SAMD4A: variants seen among roughly 807,000 people sequenced by gnomAD.
The protein encoded by SAMD4A is sterile alpha motif domain containing 4A.
A neutral mutation model predicts 81.3 loss-of-function variants in SAMD4A; 33 were observed. That is an observed-to-expected ratio of 0.41 (90% confidence interval 0.31 to 0.54). The LOEUF (loss-of-function observed/expected upper bound fraction) is 0.54. SAMD4A is among the 20% of genes least tolerant of loss of function. The pLI is 0.37. For missense variants in SAMD4A, 854 were observed against 951.1 expected, an observed-to-expected ratio of 0.90 and a Z score of 1.34; for synonymous variants, 389 against 382.1, an observed-to-expected ratio of 1.02 and a Z score of -0.21.
intron 3 of SAMD4A, among the ~76,000 whole-genome samples, chr14:54,723,585 C>G (rs1333645299): frequency 6.6e-6 from 1 of 152,126 alleles, no homozygotes; most frequent in African/African-American, 2.4e-5. Flanking sequence ...TTGAAATGAC[C>G]TAAAATTTTT....
At chr14:54,636,132 A>G (rs1005666116) in intron 2 of SAMD4A, among the ~76,000 whole-genome samples, 1 of 152,184 alleles carries the variant, frequency 6.6e-6, no homozygotes, top group Non-Finnish European at 1.5e-5. Flanking sequence ...TTGTGATTTT[A>G]TATAGTGTGG....
chr14:54,729,931 A>G (rs2037518881), intron 3 of SAMD4A, among the ~76,000 whole-genome samples: 1 of 152,220 alleles, frequency 6.6e-6, no homozygotes, highest in South Asian at 2.1e-4. Context: ...ATAAATAATG[A>G]CAATGTAAAG....
intron 2 of SAMD4A, among the ~76,000 whole-genome samples, chr14:54,607,746 G>T (rs1302256758): frequency 6.6e-6 from 1 of 152,048 alleles, no homozygotes; most frequent in Non-Finnish European, 1.5e-5. Context: ...GAGCCACCGC[G>T]CCCGGCCTCA....
chr14:54,738,694 C>T lies in SAMD4A; in HGVS notation c.979+1407C>T, dbSNP rs192766239. 3.9e-5 allele frequency among the ~76,000 whole-genome samples: 6 copies of T among 152,340 alleles called. No homozygotes were observed. In the East Asian group the frequency reaches 1.2e-3, roughly 29 times the overall value. ...GCTACATGGTTATGTGTTTAAGCAG[C>T]TGAGCCCCAGGTGATGCGTAGCAGG... On this transcript the variant is annotated intron_variant, in intron 4 of 12. Coordinates refer to ENST00000554335, the MANE Select transcript of SAMD4A (RefSeq NM_015589.6).
chr14:54,760,084 G>T, intron 6 of SAMD4A, 77 bp from the exon 7 acceptor site: 1 of 1,453,876 alleles, frequency 6.9e-7, no homozygotes, highest in Non-Finnish European at 9.4e-7. Flanking sequence ...AGAGCTCAGG[G>T]CAGGGGAGGG....
At chr14:54,622,698 A>G (rs1054948746) in intron 2 of SAMD4A, among the ~76,000 whole-genome samples, 16 of 152,204 alleles carry the variant, frequency 1.1e-4, no homozygotes, top group African/African-American at 2.4e-4. Flanking sequence ...GAGCTTTGAC[A>G]TCACTAATTT....
intron 2 of SAMD4A, among the ~76,000 whole-genome samples, chr14:54,618,698 C>A (rs1229997174): frequency 6.6e-6 from 1 of 152,190 alleles, no homozygotes; most frequent in Non-Finnish European, 1.5e-5. Context: ...AGGTGTATTT[C>A]CTCAGGGCTG....
At chr14:54,672,739 G>A (rs56206861) in intron 2 of SAMD4A, among the ~76,000 whole-genome samples, 1 of 152,200 alleles carries the variant, frequency 6.6e-6, no homozygotes, top group Admixed American at 6.5e-5. Context: ...GTACAAGGTA[G>A]CATGTAAATA....
At chr14:54,597,820 T>C (rs952315634) in intron 2 of SAMD4A, among the ~76,000 whole-genome samples, 6 of 151,942 alleles carry the variant, frequency 3.9e-5, no homozygotes, top group South Asian at 2.1e-4. Flanking sequence ...ACTCCTGGGC[T>C]CAAGCAAACT....
chr14:54,722,695 T>C (rs2037293558), intron 3 of SAMD4A, among the ~76,000 whole-genome samples: 1 of 152,204 alleles, frequency 6.6e-6, no homozygotes, highest in Non-Finnish European at 1.5e-5. Context: ...GATTAGATGA[T>C]ATTCATCTAA....
intron 3 of SAMD4A, among the ~76,000 whole-genome samples, chr14:54,725,639 G>C (rs370348058): frequency 2.4e-4 from 36 of 152,266 alleles, no homozygotes; most frequent in African/African-American, 8.7e-4. Flanking sequence ...TAGCAGTGTT[G>C]GTTTATACCA....
chr14:54,706,309 G>C (rs1594838176), intron 3 of SAMD4A, among the ~76,000 whole-genome samples: 1 of 125,246 alleles, frequency 8.0e-6, no homozygotes, highest in Non-Finnish European at 1.7e-5. Flanking sequence ...AGAAGAAGAA[G>C]AAAGAAAAAA....
At chr14:54,611,676 A>C (rs532333466) in intron 2 of SAMD4A, among the ~76,000 whole-genome samples, 2 of 152,248 alleles carry the variant, frequency 1.3e-5, no homozygotes, top group East Asian at 3.9e-4. Context: ...CAAGAGTTCG[A>C]GACCAGCCTG....
chr14:54,776,601 C>A (rs1224469194), intron 11 of SAMD4A, 61 bp downstream of exon 11: 2 of 1,441,176 alleles, frequency 1.4e-6, no homozygotes, highest in South Asian at 3.0e-5. Context: ...GATGCCCTAG[C>A]AAACCCAGCC....
At position 54,642,750 on chromosome 14, in the gene SAMD4A, C is replaced by T. The variant is rs550092639; in HGVS notation, c.197-59312C>T. The stretch of plus-strand genomic sequence containing the variant: ...GAAGCAGAAGGGATGGAGAGTCGGA[C>T]GAAGAGAAAAGCGTTCTTAGTCAAG... On this transcript the variant is annotated intron_variant, in intron 2 of 12. Transcript: ENST00000554335. Among the ~76,000 whole-genome samples, 8 of 152,210 alleles carry T rather than the reference C, an allele frequency of 5.3e-5. No individual in the cohort carries two copies. The South Asian group carries it at 8.3e-4, about 16-fold the overall frequency.
chr14:54,758,034 A>G (rs182741125), intron 6 of SAMD4A, among the ~76,000 whole-genome samples: 1 of 152,314 alleles, frequency 6.6e-6, no homozygotes, highest in Non-Finnish European at 1.5e-5. Flanking sequence ...AGTGATCAGG[A>G]TCACGCCTGA....
intron 2 of SAMD4A, among the ~76,000 whole-genome samples, chr14:54,628,711 G>A (rs149925180): frequency 6.6e-6 from 1 of 152,264 alleles, no homozygotes; most frequent in East Asian, 1.9e-4. Flanking sequence ...CCTATGTGCT[G>A]CTATTTTACA....
Position 54,567,603 on chromosome 14 carries a change from G to A in SAMD4A, c.-314G>A. On this transcript the variant is annotated 5_prime_UTR_variant, in exon 2 of 13. Transcript: ENST00000554335. ...ACCATCCCAAAGCTGCAAGAAGGGG[G>A]GAGAAAGCATTCTTCATTCAGTTGT... 2.8e-6 allele frequency: 1 copy of A among 356,152 alleles called. No individual in the cohort carries two copies. The allele number at this position is 356,152 out of a possible 1,614,324, so 22.1% of individuals were successfully genotyped here.
rs995818069 is a variant in SAMD4A at position 54,783,592 on chromosome 14, A to C, written c.2045-945A>C. ...AGTGGGTGTCTCAGCCCTTGATTCT[A>C]GAGGCCCTCGAGGCTGAGTGTGTTG... On this transcript the variant is annotated intron_variant, in intron 11 of 12. Coordinates refer to ENST00000554335, the MANE Select transcript of SAMD4A (RefSeq NM_015589.6). Among the ~76,000 whole-genome samples the C allele has an allele frequency of 2.6e-5, 4 of 152,230 alleles. No individual in the cohort carries two copies. The East Asian group carries it at 7.7e-4, about 29-fold the overall frequency.
Sources: allele counts gnomAD v4.1 joint callset (sites outside exome capture counted in the v4.1 genomes callset), GRCh38; gene constraint gnomAD v4.1.1; transcripts MANE v1.5; gene names NCBI Gene and HGNC (gene_info 2026-07-23, HGNC 2026-07-21).